NFATC3: variants seen among roughly 807,000 people sequenced by gnomAD.
NFATC3 encodes nuclear factor of activated T-cells, cytoplasmic 3.
In NFATC3, 46 loss-of-function variants were observed where a neutral mutation model predicts 98.6. The observed-to-expected ratio is 0.47, with a 90% CI of 0.37 to 0.60. The LOEUF (loss-of-function observed/expected upper bound fraction) is 0.60, where lower values mean the gene tolerates loss of function less well. Ranked by LOEUF, NFATC3 falls within the 20% of genes least tolerant of loss-of-function variation. The pLI is 0.00. For synonymous variants in NFATC3, 512 were observed against 472.2 expected (o/e 1.08, Z -1.09); for missense variants, 1,256 against 1,295.5 (o/e 0.97, Z 0.47).
At chr16:68,126,085 T>C (rs558755805) in intron 2 of NFATC3, among the ~76,000 whole-genome samples, 2 of 152,168 alleles carry the variant, frequency 1.3e-5, no homozygotes, top group Admixed American at 6.5e-5. Context: ...GGTTTCACCA[T>C]GCTAGCAAGG....
chr16:68,159,904 C>T (rs998233948), intron 4 of NFATC3, among the ~76,000 whole-genome samples: 1 of 151,680 alleles, frequency 6.6e-6, no homozygotes, highest in African/African-American at 2.4e-5. Context: ...ATGGTGAAAC[C>T]CGTCTCTGCT....
intron 1 of NFATC3, among the ~76,000 whole-genome samples, chr16:68,105,282 G>C (rs944912300): frequency 6.6e-6 from 1 of 151,716 alleles, no homozygotes; most frequent in Non-Finnish European, 1.5e-5. Flanking sequence ...GTAGAGACAG[G>C]GTTTCACAAT....
At chr16:68,192,838 G>T (rs1283080783) in intron 9 of NFATC3, among the ~76,000 whole-genome samples, 1 of 152,140 alleles carries the variant, frequency 6.6e-6, no homozygotes, top group Non-Finnish European at 1.5e-5. Flanking sequence ...ACTCCAGCTT[G>T]GGTGACAGAG....
At chr16:68,092,043 A>G (rs1236327726) in intron 1 of NFATC3, among the ~76,000 whole-genome samples, 1 of 152,242 alleles carries the variant, frequency 6.6e-6, no homozygotes, top group African/African-American at 2.4e-5. Flanking sequence ...ATTATATTGT[A>G]TGACTTTCAC....
In NFATC3 at chr16:68,122,350, C is replaced by G. The variant is rs754913570; in HGVS notation, c.467C>G (p.Ser156Cys). 12 of 1,613,996 alleles carry G rather than the reference C, an allele frequency of 7.4e-6. No homozygotes were observed. The highest frequency in any genetic ancestry group is 1.0e-5 in the Non-Finnish European group (12 of 1,180,034). Residue 156 changes from serine (S) to cysteine (C), a missense_variant, in exon 2 of 10, where the codon TCC becomes TGC. Physicochemically the swap from Ser to Cys is moderately radical, Grantham distance 112 (BLOSUM62 -1). Transcript: ENST00000346183. Reference sequence around the variant, plus strand: ...CATCTCTATCTTCCTCTTGAGCCATCCTACCGGGAGTCTTCTCTTAGTCCT... The same window carrying G: ...CATCTCTATCTTCCTCTTGAGCCATGCTACCGGGAGTCTTCTCTTAGTCCT... ...RDHLYLPLEP[S>C]YRESSLSPSP... is the part of the protein sequence containing the mutation.
chr16:68,226,502 C>T lies in NFATC3; in HGVS notation c.*31C>T, dbSNP rs1248717272. 1 of 1,459,734 alleles carries T rather than the reference C, an allele frequency of 6.9e-7. No individual in the cohort carries two copies. The highest frequency in any genetic ancestry group is 1.5e-5 in the South Asian group (1 of 66,752). The allele number at this position is 1,459,734 out of a possible 1,614,324, so 90.4% of individuals were successfully genotyped here. On this transcript the variant is annotated 3_prime_UTR_variant, in exon 10 of 10. Coordinates refer to ENST00000346183, the MANE Select transcript of NFATC3 (RefSeq NM_173165.3). ...CTTACTGCAGCCTTGTGTCCACCAC[C>T]AACTTCTCAGCATGTTTCTCTCCTT...
chr16:68,107,020 T>C (rs529734734), intron 1 of NFATC3, among the ~76,000 whole-genome samples: 109 of 152,188 alleles, frequency 7.2e-4, no homozygotes, highest in African/African-American at 2.6e-3. Flanking sequence ...TGGTGTTTGG[T>C]TTTCTGTTCC....
chr16:68,171,861 T>C (rs563400182), intron 5 of NFATC3, among the ~76,000 whole-genome samples: 1 of 152,204 alleles, frequency 6.6e-6, no homozygotes, highest in South Asian at 2.1e-4. Context: ...CGATCTCGGC[T>C]TACTGCAACC....
At chr16:68,196,849 G>A (rs1422651158) in intron 9 of NFATC3, among the ~76,000 whole-genome samples, 1 of 151,928 alleles carries the variant, frequency 6.6e-6, no homozygotes, top group African/African-American at 2.4e-5. Context: ...TGACCAACAT[G>A]GAGAAACCCC....
chr16:68,198,073 A>G (rs1479879996), intron 9 of NFATC3, among the ~76,000 whole-genome samples: 1 of 152,184 alleles, frequency 6.6e-6, no homozygotes, highest in Non-Finnish European at 1.5e-5. Context: ...TAGTCCCACC[A>G]CTTTGGGAGG....
At chr16:68,113,845 T>C (rs2036115755) in intron 1 of NFATC3, among the ~76,000 whole-genome samples, 1 of 152,210 alleles carries the variant, frequency 6.6e-6, no homozygotes, top group South Asian at 2.1e-4. Context: ...AAGGAAACAA[T>C]CTGGCCACGA....
Position 68,122,103 on chromosome 16 carries a change from T to C in NFATC3, c.220T>C (p.Leu74=). ...HHGLPSHSSV[L]SPSFQLQSHK... is the part of the protein sequence containing the mutation. ...TGGATTACCGTCTCACTCTTCTGTT[T>C]TGTCACCATCGTTTCAGCTCCAAAG... The change falls in exon 2 of 10, where the codon TTG becomes CTG. Residue 74 remains leucine (L), a synonymous_variant. Transcript: ENST00000346183. 1 of 1,614,160 alleles carries C rather than the reference T, an allele frequency of 6.2e-7. No homozygotes were observed. The highest frequency in any genetic ancestry group is 8.5e-7 in the Non-Finnish European group (1 of 1,180,040).
At chr16:68,133,569 G>T (rs2037227686) in intron 3 of NFATC3, among the ~76,000 whole-genome samples, 1 of 152,230 alleles carries the variant, frequency 6.6e-6, no homozygotes, top group South Asian at 2.1e-4. Context: ...AGCACTTCAT[G>T]AGTCTCCCTT....
intron 9 of NFATC3, among the ~76,000 whole-genome samples, chr16:68,215,320 G>A (rs2041589868): frequency 6.6e-6 from 1 of 152,176 alleles, no homozygotes; most frequent in Non-Finnish European, 1.5e-5. Flanking sequence ...TGCATTGAAT[G>A]TATATAAAAC....
intron 6 of NFATC3, among the ~76,000 whole-genome samples, chr16:68,180,787 G>A (rs1028364560): frequency 1.3e-5 from 2 of 152,124 alleles, no homozygotes; most frequent in African/African-American, 2.4e-5. Flanking sequence ...AGTTTGCTGA[G>A]AATGATGGTT....
intron 6 of NFATC3, among the ~76,000 whole-genome samples, chr16:68,177,359 A>G (rs1479717530): frequency 1.3e-5 from 2 of 152,072 alleles, no homozygotes; most frequent in Non-Finnish European, 2.9e-5. Context: ...CTGGTCATAT[A>G]TATTTTTCTA....
chr16:68,181,466 T>G lies in NFATC3; in HGVS notation c.1916-9T>G, dbSNP rs749697150. 113 of 1,608,164 alleles carry G rather than the reference T, an allele frequency of 7.0e-5. No individual in the cohort carries two copies. In the Admixed American group the frequency reaches 1.7e-3, roughly 25 times the overall value. ...ATTGCTTTTAACTATAAACTCTTTC[T>G]TTCAATAGATGGACGACCTCAGTGG... On this transcript the variant is annotated splice_polypyrimidine_tract_variant and intron_variant, in intron 6 of 9. Coordinates refer to ENST00000346183, the MANE Select transcript of NFATC3 (RefSeq NM_173165.3).
At chr16:68,214,580 C>G (rs2041557565) in intron 9 of NFATC3, 1 of 628,664 alleles carries the variant, frequency 1.6e-6, no homozygotes, top group Non-Finnish European at 2.9e-6. Flanking sequence ...TACACTTTGA[C>G]TAAAAGACTC....
At chr16:68,085,828 C>CGAGAA in intron 1 of NFATC3, 44 bp downstream of exon 1, 1 of 1,342,588 alleles carries the variant, frequency 7.4e-7, no homozygotes, top group South Asian at 1.6e-5. Context: ...CCCCGCTTCT[C>CGAGAA]GCTCGCAGGA....
Sources: allele counts gnomAD v4.1 joint callset (sites outside exome capture counted in the v4.1 genomes callset), GRCh38; gene constraint gnomAD v4.1.1; transcripts MANE v1.5; gene names NCBI Gene and HGNC (gene_info 2026-07-23, HGNC 2026-07-21).